The following BCAS3 variants were observed in gnomAD, a reference collection of about 807,000 sequenced individuals.
The protein encoded by BCAS3 is BCAS3 microtubule associated cell migration factor.
A neutral mutation model predicts 116.1 loss-of-function variants in BCAS3; 53 were observed. The ratio of observed to expected loss-of-function variants is 0.46; its 90% confidence interval spans 0.37 to 0.57. The LOEUF (loss-of-function observed/expected upper bound fraction) is 0.57, where lower values mean the gene tolerates loss of function less well. BCAS3 is among the 20% of genes least tolerant of loss of function. The probability of loss-of-function intolerance (pLI) is 0.00; values close to 1 mark genes in which losing one functional copy is unlikely to be tolerated. For missense variants in BCAS3, 917 were observed against 1,165.4 expected (o/e 0.79, Z 3.10); for synonymous variants, 391 against 408.2 (o/e 0.96, Z 0.51).
rs1393027327 is a variant in BCAS3 at position 61,380,354 on chromosome 17, C to G, written c.2594-11623C>G. 1 of 669,488 alleles carries G rather than the reference C, an allele frequency of 1.5e-6. No individual in the cohort carries two copies. The highest frequency in any genetic ancestry group is 2.6e-6 in the Non-Finnish European group (1 of 378,784). 41.5% of individuals were successfully genotyped at this position (669,488 alleles called of 1,614,324 possible). On this transcript the variant is annotated intron_variant, in intron 23 of 23. Transcript: ENST00000407086. This position sits in a 1 kb window ranked among gnomAD's most constrained non-coding sequence, Gnocchi z 4.2. The stretch of plus-strand genomic sequence containing the variant: ...AGAAATCTGTAAAACCCTAGATGTG[C>G]TGTGCCTGGGAACAGACCATGAACA...
intron 22 of BCAS3, among the ~76,000 whole-genome samples, chr17:61,193,757 CAAAAAAAAAAAAAA>C (rs59810014): frequency 7.6e-5 from 4 of 52,330 alleles, no homozygotes; most frequent in African/African-American, 2.4e-4. Context: ...AACTCCATCT[CAAAAAAAAAAAAAA>C]AAAAAAAAAA....
At chr17:61,209,199 C>T (rs1414091077) in intron 22 of BCAS3, among the ~76,000 whole-genome samples, 1 of 146,628 alleles carries the variant, frequency 6.8e-6, no homozygotes, top group African/African-American at 2.5e-5. Context: ...AAAAAAAAAT[C>T]TTGTTCTGAT....
At chr17:60,945,449 G>T (rs1486949470) in intron 13 of BCAS3, among the ~76,000 whole-genome samples, 1 of 152,188 alleles carries the variant, frequency 6.6e-6, no homozygotes, top group Non-Finnish European at 1.5e-5. Context: ...CAGTAACCAA[G>T]AATGTGGTAT....
chr17:60,796,599 A>G (rs1238649170), intron 6 of BCAS3, among the ~76,000 whole-genome samples: 3 of 151,158 alleles, frequency 2.0e-5, no homozygotes, highest in African/African-American at 4.9e-5. Flanking sequence ...GGTTATTTGG[A>G]TTTTCTCTCT....
chr17:61,293,275 GA>G (rs2052606469), intron 22 of BCAS3, among the ~76,000 whole-genome samples: 1 of 152,092 alleles, frequency 6.6e-6, no homozygotes, highest in Non-Finnish European at 1.5e-5. Flanking sequence ...CTTTAGAAGG[GA>G]TATTAGAAAT....
At chr17:61,015,968 A>C in intron 16 of BCAS3, 67 bp downstream of exon 16, 1 of 1,468,906 alleles carries the variant, frequency 6.8e-7, no homozygotes, top group Non-Finnish European at 9.3e-7. Flanking sequence ...AAAATAAAAC[A>C]TACTTTTTCT....
At chr17:61,040,056 A>C (rs974691945) in intron 18 of BCAS3, among the ~76,000 whole-genome samples, 1 of 152,234 alleles carries the variant, frequency 6.6e-6, no homozygotes, top group African/African-American at 2.4e-5. Flanking sequence ...AAAACCTGGA[A>C]TAAAACCTCT....
chr17:60,935,631 A>G (rs2059878481), intron 13 of BCAS3, among the ~76,000 whole-genome samples: 1 of 152,166 alleles, frequency 6.6e-6, no homozygotes, highest in African/African-American at 2.4e-5. Flanking sequence ...TATTTTCAAC[A>G]TATGCTCATA....
At chr17:61,160,792 G>T (rs1238114021) in intron 22 of BCAS3, among the ~76,000 whole-genome samples, 1 of 152,138 alleles carries the variant, frequency 6.6e-6, no homozygotes, top group African/African-American at 2.4e-5. Flanking sequence ...GGCCCTACTT[G>T]TGGCAGCTTT....
intron 7 of BCAS3, among the ~76,000 whole-genome samples, chr17:60,856,622 C>G (rs1310557317): frequency 6.6e-6 from 1 of 151,898 alleles, no homozygotes; most frequent in Non-Finnish European, 1.5e-5. Flanking sequence ...ACCTGGGAGG[C>G]AGAGGTAGCA....
rs560732469 is a variant in BCAS3, at chr17:61,227,211, G to C, written c.2426-141116G>C. Among the ~76,000 whole-genome samples the C allele has an allele frequency of 1.9e-4, 29 of 152,246 alleles. No homozygotes were observed. The highest frequency in any genetic ancestry group is 3.4e-3 in the Middle Eastern group (1 of 294). On this transcript the variant is annotated intron_variant, in intron 22 of 23. Coordinates refer to ENST00000407086, the MANE Select transcript of BCAS3 (RefSeq NM_017679.5). The surrounding 1 kb of genome is among the most constrained non-coding windows in gnomAD (Gnocchi z 6.1). The stretch of plus-strand genomic sequence containing the variant: ...GAGTTCCCACAGACTGTCCTAGAGG[G>C]GCCACAGACTGCTCTGAGAAGCTAG...
At chr17:60,875,674 T>TA (rs1237632778) in intron 9 of BCAS3, among the ~76,000 whole-genome samples, 1 of 152,058 alleles carries the variant, frequency 6.6e-6, no homozygotes, top group Non-Finnish European at 1.5e-5. Context: ...ATCTTAAATA[T>TA]ACAAATGTCT....
In BCAS3 at chr17:61,356,139, C is replaced by T. The variant is rs921561038; in HGVS notation, c.2426-12188C>T. On this transcript the variant is annotated intron_variant, in intron 22 of 23. Transcript: ENST00000407086. The surrounding 1 kb of genome is among the most constrained non-coding windows in gnomAD (Gnocchi z 5.4). ...CCTCCCGAGTAGCTGGGATTACAGG[C>T]GCCTGCCATCATGCCCGGCTGATTT... Among the ~76,000 whole-genome samples, 2 of 152,128 alleles carry T rather than the reference C, an allele frequency of 1.3e-5. No individual in the cohort carries two copies. The highest frequency in any genetic ancestry group is 6.5e-5 in the Admixed American group (1 of 15,280).
At chr17:61,221,171 A>G (rs2082090632) in intron 22 of BCAS3, among the ~76,000 whole-genome samples, 1 of 152,242 alleles carries the variant, frequency 6.6e-6, no homozygotes, top group African/African-American at 2.4e-5. Flanking sequence ...ATCAGCTGCT[A>G]TAATTGTTTC....
rs1050329604 is a variant in BCAS3 at position 60,831,038 on chromosome 17, G to A, written c.476+22962G>A. Among the ~76,000 whole-genome samples the A allele has an allele frequency of 2.6e-5, 4 of 152,046 alleles. No individual in the cohort carries two copies. The East Asian group carries it at 5.8e-4, about 22-fold the overall frequency. Reference sequence around the variant, plus strand: ...AGGTGTGTCCCACCAGACTCGGCTAGACGGGGTTTTGTGGTATTGCCTAGG... The same window carrying A: ...AGGTGTGTCCCACCAGACTCGGCTAAACGGGGTTTTGTGGTATTGCCTAGG... On this transcript the variant is annotated intron_variant, in intron 7 of 23. Transcript: ENST00000407086.
At chr17:60,747,939 A>G (rs904153295) in intron 6 of BCAS3, among the ~76,000 whole-genome samples, 1 of 151,578 alleles carries the variant, frequency 6.6e-6, no homozygotes, top group Non-Finnish European at 1.5e-5. Context: ...AGATGGCTAA[A>G]TAACGCCTGA....
At position 61,134,428 on chromosome 17, in the gene BCAS3, A is replaced by T. The variant is rs1043530803; in HGVS notation, c.2425+49864A>T. Among the ~76,000 whole-genome samples the T allele has an allele frequency of 6.6e-6, 1 of 152,196 alleles. No homozygotes were observed. The highest frequency in any genetic ancestry group is 2.4e-5 in the African/African-American group (1 of 41,450). ...GTGGAATGAGGATTCGGAACCACGC[A>T]TGTCTGACTCCAGAGCCCTCGCTTT... On this transcript the variant is annotated intron_variant, in intron 22 of 23. Coordinates refer to ENST00000407086, the MANE Select transcript of BCAS3 (RefSeq NM_017679.5). This position sits in a 1 kb window ranked among gnomAD's most constrained non-coding sequence, Gnocchi z 4.6.
chr17:60,790,623 T>A (rs1390748926), intron 6 of BCAS3, among the ~76,000 whole-genome samples: 1 of 152,142 alleles, frequency 6.6e-6, no homozygotes, highest in Non-Finnish European at 1.5e-5. Context: ...CTATTCTTGA[T>A]GCTTTCTCAC....
At chr17:61,173,539 A>G (rs2078976957) in intron 22 of BCAS3, among the ~76,000 whole-genome samples, 1 of 152,136 alleles carries the variant, frequency 6.6e-6, no homozygotes, top group African/African-American at 2.4e-5. Context: ...AGGGAAATTT[A>G]TAACACAAAA....
Sources: gnomAD v4.1 joint callset for allele counts (sites outside exome capture counted in the v4.1 genomes callset) on GRCh38, gnomAD v4.1.1 for gene constraint, Gnocchi (gnomAD v3.1) non-coding constraint, MANE v1.5 for transcripts, NCBI Gene and HGNC (gene_info 2026-07-23, HGNC 2026-07-21) for gene names.